ANK2: variants seen among roughly 807,000 people sequenced by gnomAD.
ANK2 encodes ankyrin 2, also known as ankyrin-2.
In ANK2, 83 loss-of-function variants were observed where a neutral mutation model predicts 360.5. That is an observed-to-expected ratio of 0.23 (90% confidence interval 0.19 to 0.28). The LOEUF (loss-of-function observed/expected upper bound fraction) is 0.28, where lower values mean the gene tolerates loss of function less well. Among genes scored for constraint, ANK2 ranks in the 10% least tolerant of loss-of-function variants. The pLI, the probability that ANK2 is intolerant of heterozygous loss-of-function variation, is 1.00. For synonymous variants in ANK2, 1,740 were observed against 1,759.5 expected (o/e 0.99, Z 0.28); for missense variants, 4,201 against 4,795.7 (o/e 0.88, Z 3.66).
At chr4:113,376,978 T>A (rs997157873) in intron 45 of ANK2, among the ~76,000 whole-genome samples, 5 of 152,216 alleles carry the variant, frequency 3.3e-5, no homozygotes, top group Non-Finnish European at 7.4e-5. Flanking sequence ...AACAATGCCT[T>A]ATTCTGCAAT....
the ANK2 span, among the ~76,000 whole-genome samples, chr4:112,802,210 G>A: frequency 6.6e-6 from 1 of 152,102 alleles, no homozygotes; most frequent in Non-Finnish European, 1.5e-5. Context: ...TTGCAGGGTG[G>A]AAAGTTTAGA....
intron 38 of ANK2, among the ~76,000 whole-genome samples, chr4:113,360,417 C>G (rs576337839): frequency 6.6e-6 from 1 of 152,084 alleles, no homozygotes; most frequent in Admixed American, 6.6e-5. Context: ...AATGATCTAT[C>G]CCTCCACAAG....
chr4:113,310,738 C>A lies in ANK2; in HGVS notation c.2549-517C>A, dbSNP rs536980286. Among the ~76,000 whole-genome samples, 32 of 152,258 alleles carry A rather than the reference C, an allele frequency of 2.1e-4. No homozygotes were observed. The East Asian group carries it at 6.2e-3, about 29-fold the overall frequency. ...AGCCAACTTTTAGTTTTTAAATAAT[C>A]TTTTTGGCTTTTTGCAAGGGATCCA... On this transcript the variant is annotated intron_variant, in intron 23 of 45. Coordinates refer to ENST00000357077, the MANE Select transcript of ANK2 (RefSeq NM_001148.6).
chr4:113,360,341 C>T lies in ANK2; in HGVS notation c.10682-482C>T, dbSNP rs59409543. Among the ~76,000 whole-genome samples the T allele has an allele frequency of 7.9e-3, 1,202 of 152,228 alleles. 16 individuals are homozygous for T. Among genetic ancestry groups the T allele is most frequent in the African/African-American group, 0.027 (1,140 of 41,530 alleles). ...TTCTGGCCACACTAATCAGGATGGC[C>T]TGATCAGCTCATGATCAACATCTCT... On this transcript the variant is annotated intron_variant, in intron 38 of 45. Coordinates refer to ENST00000357077, the MANE Select transcript of ANK2 (RefSeq NM_001148.6).
intron 3 of ANK2, among the ~76,000 whole-genome samples, 171 bp from the exon 4 acceptor site, chr4:113,198,839 AT>A (rs899046929): frequency 5.7e-4 from 85 of 148,184 alleles, no homozygotes; most frequent in African/African-American, 1.3e-3. Flanking sequence ...GAGGTGGCCA[AT>A]TTTTTTTTTT....
intron 1 of ANK2, among the ~76,000 whole-genome samples, chr4:112,880,147 A>G (rs1266124465): frequency 6.6e-6 from 1 of 152,182 alleles, no homozygotes; most frequent in Non-Finnish European, 1.5e-5. Flanking sequence ...TATTTAACAT[A>G]TGTACTTTGA....
intron 26 of ANK2, among the ~76,000 whole-genome samples, chr4:113,319,416 TTTAA>T (rs2084759051): frequency 6.6e-6 from 1 of 151,160 alleles, no homozygotes; most frequent in Non-Finnish European, 1.5e-5. Flanking sequence ...CTATTTTTTA[TTTAA>T]TTATTTTTAA....
the ANK2 span, among the ~76,000 whole-genome samples, chr4:112,706,206 C>T: frequency 8.3e-4 from 126 of 152,164 alleles, no homozygotes; most frequent in African/African-American, 3.0e-3. Flanking sequence ...GAACCCGCCG[C>T]GGATTCGTCA....
chr4:113,307,577 A>G (rs1432660589), intron 23 of ANK2, among the ~76,000 whole-genome samples: 1 of 151,630 alleles, frequency 6.6e-6, no homozygotes, highest in Non-Finnish European at 1.5e-5. Context: ...TAATTTTTGT[A>G]TTTTTAGTAG....
chr4:112,937,580 G>A (rs552808067), intron 2 of ANK2, among the ~76,000 whole-genome samples: 2 of 152,040 alleles, frequency 1.3e-5, no homozygotes, highest in Non-Finnish European at 2.9e-5. Context: ...CACCCGCCTC[G>A]GCCTCCCAAA....
intron 1 of ANK2, among the ~76,000 whole-genome samples, chr4:112,859,551 T>C (rs1472690893): frequency 6.6e-6 from 1 of 152,202 alleles, no homozygotes; most frequent in African/African-American, 2.4e-5. Context: ...AGCTGTCCTG[T>C]ATCTAAGCTT....
intron 22 of ANK2, among the ~76,000 whole-genome samples, chr4:113,300,514 G>A (rs1031634185): frequency 1.3e-5 from 2 of 152,220 alleles, no homozygotes; most frequent in Non-Finnish European, 2.9e-5. Context: ...CATGTGGGCA[G>A]ATAAGCAGAG....
intron 4 of ANK2, among the ~76,000 whole-genome samples, chr4:113,200,315 A>G (rs1472428465): frequency 6.6e-6 from 1 of 152,238 alleles, no homozygotes; most frequent in African/African-American, 2.4e-5. Flanking sequence ...AGGTCCCTGC[A>G]GAAGCTACTG....
intron 2 of ANK2, chr4:113,033,912 A>G (rs1300001059): frequency 6.6e-6 from 1 of 151,986 alleles, no homozygotes; most frequent in East Asian, 1.9e-4. Context: ...TATCTTGAAC[A>G]ATGTGTCTTG....
intron 27 of ANK2, 143 bp downstream of exon 27, chr4:113,330,613 A>C: frequency 2.5e-6 from 2 of 807,782 alleles, no homozygotes; most frequent in Admixed American, 4.7e-5. Context: ...AATTGGAAGT[A>C]GCACCTCAAT....
intron 1 of ANK2, among the ~76,000 whole-genome samples, chr4:112,846,890 C>T (rs761657056): frequency 2.6e-5 from 4 of 152,092 alleles, no homozygotes; most frequent in Admixed American, 6.6e-5. Context: ...CTACAAAATC[C>T]GGAGTAGTTT....
chr4:113,001,219 T>C (rs528538469), intron 2 of ANK2, among the ~76,000 whole-genome samples: 52 of 151,128 alleles, frequency 3.4e-4, no homozygotes, highest in African/African-American at 1.2e-3. Context: ...TAATCCCAGC[T>C]ACTCAGGAGG....
chr4:113,338,140 G>A (rs973695227), intron 31 of ANK2, among the ~76,000 whole-genome samples: 4 of 152,136 alleles, frequency 2.6e-5, no homozygotes, highest in African/African-American at 7.2e-5. Context: ...GTTATGCTGA[G>A]TATGTATTTT....
chr4:113,222,935 A>G (rs2099167811), intron 4 of ANK2, among the ~76,000 whole-genome samples: 1 of 152,242 alleles, frequency 6.6e-6, no homozygotes, highest in African/African-American at 2.4e-5. Flanking sequence ...TGCCTTCTTA[A>G]CTATTAATAC....
Sources: allele counts gnomAD v4.1 joint callset (sites outside exome capture counted in the v4.1 genomes callset), GRCh38; gene constraint gnomAD v4.1.1; transcripts MANE v1.5; gene names NCBI Gene and HGNC (gene_info 2026-07-23, HGNC 2026-07-21).